Variants in DDX60L observed in about 807,000 individuals in gnomAD.
DDX60L encodes the protein probable ATP-dependent RNA helicase DDX60-like.
A neutral mutation model predicts 211.6 loss-of-function variants in DDX60L; 191 were observed. The ratio of observed to expected loss-of-function variants is 0.90; its 90% CI spans 0.80 to 1.02. DDX60L has a LOEUF of 1.02. Ranked by LOEUF, DDX60L falls within the 50% of genes least tolerant of loss-of-function variation. The pLI is 0.00. For missense variants in DDX60L, 2,007 were observed against 1,984.1 expected (o/e 1.01, Z -0.22); for synonymous variants, 706 against 694.1 (o/e 1.02, Z -0.27).
At chr4:168,414,276 T>A (rs868739627) in intron 22 of DDX60L, among the ~76,000 whole-genome samples, 1 of 152,016 alleles carries the variant, frequency 6.6e-6, no homozygotes, top group African/African-American at 2.4e-5. Flanking sequence ...AGAAACCACC[T>A]GAAGGTAAAA....
chr4:168,370,437 A>G (rs900668850), intron 36 of DDX60L, among the ~76,000 whole-genome samples: 1 of 152,194 alleles, frequency 6.6e-6, no homozygotes, highest in Non-Finnish European at 1.5e-5. Context: ...GGGAAGAGAA[A>G]GGAGAAGGTG....
rs1026120069 is a variant in DDX60L, at chr4:168,373,535, T to C, written c.4776+131A>G. 18 of 935,022 alleles carry C rather than the reference T, an allele frequency of 1.9e-5. No individual in the cohort carries two copies. The East Asian group carries it at 4.2e-4, about 22-fold the overall frequency. 57.9% of individuals were successfully genotyped at this position (935,022 alleles called of 1,614,324 possible). On this transcript the variant is annotated intron_variant, in intron 35 of 37. Transcript: ENST00000682922. Reference sequence around the variant, plus strand: ...CACTGGCCTCCAGGGCTTCATTCTCTTAGACAATGATGCTCATCAGTGGAC... The same window carrying C: ...CACTGGCCTCCAGGGCTTCATTCTCCTAGACAATGATGCTCATCAGTGGAC...
At chr4:168,477,913 T>C (rs1759812666) in intron 1 of DDX60L, among the ~76,000 whole-genome samples, 1 of 152,068 alleles carries the variant, frequency 6.6e-6, no homozygotes, top group Non-Finnish European at 1.5e-5. Context: ...AGGAACTGGG[T>C]GGTATGAAAG....
At chr4:168,364,812 G>A (rs1275974406) in intron 36 of DDX60L, among the ~76,000 whole-genome samples, 1 of 152,074 alleles carries the variant, frequency 6.6e-6, no homozygotes, top group East Asian at 1.9e-4. Flanking sequence ...AGAATATAGA[G>A]ATCATATCAA....
At chr4:168,443,335 T>C (rs1048248212) in intron 9 of DDX60L, among the ~76,000 whole-genome samples, 2 of 151,766 alleles carry the variant, frequency 1.3e-5, no homozygotes, top group Non-Finnish European at 2.9e-5. Flanking sequence ...GAAAAAAGAA[T>C]AAAAAGAAAT....
intron 8 of DDX60L, among the ~76,000 whole-genome samples, chr4:168,450,472 C>CAA (rs532304128): frequency 1.5e-5 from 2 of 130,910 alleles, no homozygotes; most frequent in African/African-American, 2.8e-5. Context: ...TGGTCTCCCT[C>CAA]AAAAAAAAAA....
At chr4:168,401,318 T>C (rs925025220) in intron 25 of DDX60L, among the ~76,000 whole-genome samples, 8 of 152,270 alleles carry the variant, frequency 5.3e-5, no homozygotes, top group Non-Finnish European at 1.2e-4. Context: ...CCCTTTCTGT[T>C]GATAACTATT....
chr4:168,421,622 T>C (rs1208754939), intron 17 of DDX60L, 138 bp downstream of exon 17: 9 of 1,218,450 alleles, frequency 7.4e-6, no homozygotes, highest in Non-Finnish European at 1.0e-5. Context: ...GCCACTGCAC[T>C]CCAGCCTGAG....
In DDX60L at chr4:168,473,413, G is replaced by A. The variant is rs888254056; in HGVS notation, c.-110-604C>T. ...TGAAATAGTCCTGTAGAAAGATGAT[G>A]GTGGTTTGAGCTAATGTGGTGCTAT... On this transcript the variant is annotated intron_variant, in intron 1 of 37. Coordinates refer to ENST00000682922, the MANE Select transcript of DDX60L (RefSeq NM_001012967.3). Among the ~76,000 whole-genome samples, 6 of 152,256 alleles carry A rather than the reference G, an allele frequency of 3.9e-5. No homozygotes were observed. The South Asian group carries it at 8.3e-4, about 21-fold the overall frequency.
chr4:168,437,968 G>C (rs1753286963), intron 10 of DDX60L, among the ~76,000 whole-genome samples: 1 of 152,056 alleles, frequency 6.6e-6, no homozygotes, highest in South Asian at 2.1e-4. Flanking sequence ...CCAACTCCTG[G>C]GTTCAAGCGA....
At chr4:168,416,059 C>T (rs1272513792) in intron 20 of DDX60L, among the ~76,000 whole-genome samples, 8 of 152,270 alleles carry the variant, frequency 5.3e-5, no homozygotes, top group South Asian at 4.1e-4. Flanking sequence ...AATGAGTTAG[C>T]GTGCCTGCCA....
intron 33 of DDX60L, 47 bp downstream of exon 33, chr4:168,378,307 T>C: frequency 8.7e-7 from 1 of 1,144,682 alleles, no homozygotes; most frequent in Non-Finnish European, 1.2e-6. Flanking sequence ...GTAGCATACA[T>C]TTAATAACTA....
intron 4 of DDX60L, among the ~76,000 whole-genome samples, chr4:168,462,769 T>C (rs1757487513): frequency 6.6e-6 from 1 of 151,904 alleles, no homozygotes; most frequent in Non-Finnish European, 1.5e-5. Flanking sequence ...GCCGAGATCA[T>C]GCCACTGCAC....
At chr4:168,413,929 A>T (rs976041451) in intron 22 of DDX60L, among the ~76,000 whole-genome samples, 2 of 152,170 alleles carry the variant, frequency 1.3e-5, no homozygotes, top group African/African-American at 4.8e-5. Flanking sequence ...CTATCTCAAG[A>T]CATTTAATAA....
At chr4:168,437,802 A>G (rs1753257652) in intron 10 of DDX60L, among the ~76,000 whole-genome samples, 1 of 152,094 alleles carries the variant, frequency 6.6e-6, no homozygotes, top group Non-Finnish European at 1.5e-5. Context: ...GCAGAACATC[A>G]CATGATGATT....
At chr4:168,391,421 C>T in intron 29 of DDX60L, 119 bp downstream of exon 29, 1 of 673,910 alleles carries the variant, frequency 1.5e-6, no homozygotes, top group Non-Finnish European at 2.7e-6. Context: ...AAATGCTATG[C>T]CACATAGAAA....
chr4:168,479,018 AG>A (rs1183490356), intron 1 of DDX60L, among the ~76,000 whole-genome samples: 1 of 152,246 alleles, frequency 6.6e-6, no homozygotes, highest in Non-Finnish European at 1.5e-5. Context: ...TCATGAACCA[AG>A]AAAAGCATAC....
chr4:168,358,305 AT>A (rs748612096), intron 37 of DDX60L, 29 bp from the exon 38 acceptor site: 64 of 1,417,058 alleles, frequency 4.5e-5, no homozygotes, highest in East Asian at 2.7e-4. Context: ...TAATAAAAAA[AT>A]AATGAGCCCA....
At chr4:168,472,044 C>T in intron 3 of DDX60L, 108 bp from the exon 4 acceptor site, 1 of 809,934 alleles carries the variant, frequency 1.2e-6, no homozygotes, top group South Asian at 1.8e-5. Context: ...GTACCTCATG[C>T]CAGTCCATGA....
Sources: gnomAD v4.1 joint callset for allele counts (sites outside exome capture counted in the v4.1 genomes callset) on GRCh38, gnomAD v4.1.1 for gene constraint, MANE v1.5 for transcripts, NCBI Gene and HGNC (gene_info 2026-07-23, HGNC 2026-07-21) for gene names.